The following RSPH14 variants were observed in gnomAD, a reference collection of about 807,000 sequenced individuals.
The protein encoded by RSPH14 is rhabdoid tumor deletion region gene 1.
A neutral mutation model predicts 26.7 loss-of-function variants in RSPH14; 20 were observed. The ratio of observed to expected loss-of-function variants is 0.75; its 90% CI spans 0.53 to 1.09. RSPH14 has a LOEUF of 1.09. Among genes scored for constraint, RSPH14 ranks in the 50% least tolerant of loss-of-function variants. RSPH14 has a pLI of 0.00. For missense variants in RSPH14, 449 were observed against 457.2 expected (o/e 0.98, Z 0.16); for synonymous variants, 177 against 189.3 (o/e 0.93, Z 0.53).
At chr22:23,152,927 A>G in the RSPH14 span, 1 of 803,386 alleles carries the variant, frequency 1.2e-6, no homozygotes, top group Admixed American at 2.1e-5. Flanking sequence ...TCGCTTCCTG[A>G]TGGGAAGTGG....
the RSPH14 span, among the ~76,000 whole-genome samples, chr22:23,178,974 C>T: frequency 1.3e-5 from 2 of 152,082 alleles, no homozygotes; most frequent in African/African-American, 2.4e-5. Flanking sequence ...ACCAGCCTGC[C>T]GGGTCAGGGG....
At chr22:23,144,092 C>CAAAAAA (rs35499128), upstream of RSPH14, among the ~76,000 whole-genome samples, 3 of 24,180 alleles carry the variant, frequency 1.2e-4, no homozygotes, top group African/African-American at 1.1e-4. Context: ...GACTCCATCT[C>CAAAAAA]AAAAAAAAAA....
the RSPH14 span, chr22:23,180,385 A>C: frequency 6.4e-6 from 1 of 155,566 alleles, no homozygotes; most frequent in Non-Finnish European, 1.4e-5. Flanking sequence ...TGGCGGCTCG[A>C]TGGGGGAGCC....
At chr22:23,077,781 T>G (rs952983478) in intron 4 of RSPH14, among the ~76,000 whole-genome samples, 1 of 152,160 alleles carries the variant, frequency 6.6e-6, no homozygotes, top group African/African-American at 2.4e-5. Flanking sequence ...CTGAAGACCC[T>G]TCTGACTATG....
rs1476035687 is a variant in RSPH14, at chr22:23,064,011, C to A, written c.544G>T (p.Asp182Tyr). ...LDTLVLCLQE[D>Y]ATEALGSNVV... is the part of the protein sequence containing the mutation. ...TTGCTGCCCAGGGCCTCGGTGGCATCCTCCTGCAGGCAGAGGACCAGTGTG... is the reference window on the plus strand; with the variant it reads ...TTGCTGCCCAGGGCCTCGGTGGCATACTCCTGCAGGCAGAGGACCAGTGTG... Residue 182 changes from aspartate to tyrosine, a missense_variant, in exon 5 of 7, where the codon GAT (aspartate) becomes TAT (tyrosine). Physicochemically the swap from Asp to Tyr is radical, Grantham distance 160 (BLOSUM62 -3). Coordinates refer to ENST00000216036, the MANE Select transcript of RSPH14 (RefSeq NM_014433.3). 6.2e-7 allele frequency: 1 copy of A among 1,614,256 alleles called. No homozygotes were observed. The highest frequency in any genetic ancestry group is 2.2e-5 in the East Asian group (1 of 44,890).
At chr22:23,091,182 TCA>T (rs1469498598) in intron 4 of RSPH14, among the ~76,000 whole-genome samples, 1 of 152,142 alleles carries the variant, frequency 6.6e-6, no homozygotes. Flanking sequence ...ATGGACCTGC[TCA>T]CAGACATGTA....
At chr22:23,110,685 G>A (rs970296578) in intron 4 of RSPH14, among the ~76,000 whole-genome samples, 1 of 152,254 alleles carries the variant, frequency 6.6e-6, no homozygotes, top group Non-Finnish European at 1.5e-5. Flanking sequence ...CTGCTGTGGT[G>A]TGAGACTCTG....
intron 4 of RSPH14, among the ~76,000 whole-genome samples, chr22:23,069,747 T>G (rs1190870730): frequency 6.6e-6 from 1 of 151,978 alleles, no homozygotes; most frequent in Non-Finnish European, 1.5e-5. Context: ...TAATGCTCCC[T>G]CCCATCGCTG....
At chr22:23,067,454 C>T (rs923576705) in intron 4 of RSPH14, among the ~76,000 whole-genome samples, 1 of 152,236 alleles carries the variant, frequency 6.6e-6, no homozygotes, top group Non-Finnish European at 1.5e-5. Context: ...TGCACATCCA[C>T]ACATGGCATC....
intron 4 of RSPH14, among the ~76,000 whole-genome samples, chr22:23,080,683 C>G (rs1272794608): frequency 6.6e-6 from 1 of 152,234 alleles, no homozygotes; most frequent in Non-Finnish European, 1.5e-5. Context: ...AAAGAGCCCA[C>G]AAACACGGAG....
At chr22:23,064,455 G>A (rs1451418071) in intron 4 of RSPH14, among the ~76,000 whole-genome samples, 3 of 152,106 alleles carry the variant, frequency 2.0e-5, no homozygotes, top group Non-Finnish European at 4.4e-5. Context: ...GCCACCCCTC[G>A]GAGAGCTGAC....
chr22:23,110,847 C>G (rs1437664256), intron 4 of RSPH14, among the ~76,000 whole-genome samples: 1 of 152,198 alleles, frequency 6.6e-6, no homozygotes, highest in African/African-American at 2.4e-5. Flanking sequence ...GACCCAAGGG[C>G]CCACCACACT....
intron 4 of RSPH14, among the ~76,000 whole-genome samples, chr22:23,089,036 G>T (rs2068890481): frequency 1.3e-5 from 2 of 152,168 alleles, no homozygotes; most frequent in Non-Finnish European, 2.9e-5. Context: ...CTTCGTCTTG[G>T]CTCACTCTTT....
chr22:23,138,229 G>T (rs1190198112), intron 3 of RSPH14, among the ~76,000 whole-genome samples: 1 of 152,182 alleles, frequency 6.6e-6, no homozygotes. Context: ...TGGCAAAATT[G>T]TTGCAGAAGT....
chr22:23,064,343 A>G (rs1049113450), intron 4 of RSPH14, among the ~76,000 whole-genome samples: 2 of 152,238 alleles, frequency 1.3e-5, no homozygotes, highest in Admixed American at 1.3e-4. Flanking sequence ...GTCAGGGGCT[A>G]AGGGCGGAGG....
At chr22:23,081,187 A>G (rs1359755763) in intron 4 of RSPH14, among the ~76,000 whole-genome samples, 1 of 152,186 alleles carries the variant, frequency 6.6e-6, no homozygotes, top group Non-Finnish European at 1.5e-5. Context: ...AAGGAGTATA[A>G]CAGCCTAAAG....
At chr22:23,174,962 C>G in the RSPH14 span, among the ~76,000 whole-genome samples, 1 of 149,560 alleles carries the variant, frequency 6.7e-6, no homozygotes, top group Admixed American at 6.6e-5. Context: ...AGCAAAACTC[C>G]GTCTCAAAAA....
intron 4 of RSPH14, chr22:23,125,024 C>G (rs1382563312): frequency 6.6e-6 from 1 of 152,250 alleles, no homozygotes; most frequent in East Asian, 1.9e-4. Flanking sequence ...ATAAAATACC[C>G]TGAATGGAGC....
At chr22:23,109,648 G>A (rs1458989595) in intron 4 of RSPH14, among the ~76,000 whole-genome samples, 2 of 152,184 alleles carry the variant, frequency 1.3e-5, no homozygotes, top group Non-Finnish European at 2.9e-5. Flanking sequence ...CTGGAACAGA[G>A]CCCTCCGTGC....
Sources: gnomAD v4.1 joint callset for allele counts (sites outside exome capture counted in the v4.1 genomes callset) on GRCh38, gnomAD v4.1.1 for gene constraint, MANE v1.5 for transcripts, NCBI Gene and HGNC (gene_info 2026-07-23, HGNC 2026-07-21) for gene names.